Variants in PCBP3 observed in about 807,000 individuals in gnomAD.
The protein encoded by PCBP3 is poly(rC) binding protein 3, also known as poly(rC)-binding protein 3.
PCBP3 carries 25 observed loss-of-function variants against 52.7 expected under a neutral mutation model. The ratio of observed to expected loss-of-function variants is 0.47; its 90% CI spans 0.35 to 0.66. The LOEUF (loss-of-function observed/expected upper bound fraction) is 0.66, where lower values mean the gene tolerates loss of function less well. Ranked by LOEUF, PCBP3 falls within the 30% of genes least tolerant of loss-of-function variation. PCBP3 has a pLI of 0.01. For missense variants in PCBP3, 391 were observed against 490.3 expected, an observed-to-expected ratio of 0.80 and a Z score of 1.91; for synonymous variants, 162 against 183.0, an observed-to-expected ratio of 0.89 and a Z score of 0.93.
intron 5 of PCBP3, among the ~76,000 whole-genome samples, chr21:45,857,783 ACAGGAGC>A (rs1263120962): frequency 3.3e-5 from 5 of 152,282 alleles, no homozygotes; most frequent in African/African-American, 9.6e-5. Context: ...CTTCTTGTTG[ACAGGAGC>A]CAGCATGTAC....
chr21:45,778,342 A>G (rs1469604778), intron 4 of PCBP3, among the ~76,000 whole-genome samples: 1 of 152,170 alleles, frequency 6.6e-6, no homozygotes, highest in African/African-American at 2.4e-5. Context: ...TTTATGTCCC[A>G]GGGTGGCATA....
chr21:45,681,490 AAG>A lies in PCBP3; in HGVS notation c.-200+12539_-200+12540del, dbSNP rs528741842. Among the ~76,000 whole-genome samples the A allele has an allele frequency of 5.5e-3, 841 of 152,296 alleles. 5 individuals carry two copies. Among genetic ancestry groups the A allele is most frequent in the Non-Finnish European group, 8.0e-3 (542 of 68,028 alleles). On this transcript the variant is annotated intron_variant, in intron 2 of 17. Transcript: ENST00000681687. ...TCCTGATAAACCCATTGTATATTGAAAGTGTCGTAAGTGAAAAATGCAACCTG... is the reference window on the plus strand; with the variant it reads ...TCCTGATAAACCCATTGTATATTGAATGTCGTAAGTGAAAAATGCAACCTG...
chr21:45,793,454 T>C (rs2091740025), intron 4 of PCBP3, among the ~76,000 whole-genome samples: 1 of 151,982 alleles, frequency 6.6e-6, no homozygotes, highest in Non-Finnish European at 1.5e-5. Flanking sequence ...AGCGCGATGC[T>C]GAGAAGCTCC....
intron 2 of PCBP3, among the ~76,000 whole-genome samples, chr21:45,691,094 A>T (rs1355345586): frequency 6.6e-6 from 1 of 152,120 alleles, no homozygotes; most frequent in Non-Finnish European, 1.5e-5. Context: ...TATTTATAAT[A>T]GTTAAAAGCT....
intron 3 of PCBP3, among the ~76,000 whole-genome samples, chr21:45,754,441 G>A (rs2087839023): frequency 6.6e-6 from 1 of 152,042 alleles, no homozygotes; most frequent in South Asian, 2.1e-4. Flanking sequence ...TTTAAATTAG[G>A]CCTGCTAACC....
chr21:45,798,139 G>A (rs376012760), intron 4 of PCBP3, among the ~76,000 whole-genome samples: 2 of 151,276 alleles, frequency 1.3e-5, no homozygotes, highest in African/African-American at 4.9e-5. Context: ...TCCATAGAGA[G>A]TGAATGCATG....
intron 3 of PCBP3, chr21:45,749,680 G>A (rs1049971401): frequency 6.6e-6 from 1 of 152,282 alleles, no homozygotes; most frequent in African/African-American, 2.4e-5. Context: ...CAGAGAGCAC[G>A]TGGATGCTGC....
At chr21:45,755,380 C>T (rs537319062) in intron 3 of PCBP3, among the ~76,000 whole-genome samples, 37 bp from the exon 4 acceptor site, 25 of 152,142 alleles carry the variant, frequency 1.6e-4, no homozygotes, top group Middle Eastern at 3.4e-3. Context: ...TTTCTTGTAC[C>T]GGTCTTTATG....
At chr21:45,681,692 A>G (rs1053881217) in intron 2 of PCBP3, among the ~76,000 whole-genome samples, 7 of 152,070 alleles carry the variant, frequency 4.6e-5, no homozygotes, top group Non-Finnish European at 8.8e-5. Context: ...TTCATGAGGG[A>G]TGTAGGTCTG....
chr21:45,721,788 A>C (rs1336443929), intron 2 of PCBP3, among the ~76,000 whole-genome samples: 1 of 152,148 alleles, frequency 6.6e-6, no homozygotes, highest in Non-Finnish European at 1.5e-5. Flanking sequence ...CTGTTGATGA[A>C]GCAAATGTAT....
intron 1 of PCBP3, among the ~76,000 whole-genome samples, chr21:45,659,984 T>A (rs2080278220): frequency 6.6e-6 from 1 of 152,174 alleles, no homozygotes; most frequent in Non-Finnish European, 1.5e-5. Flanking sequence ...ATTGTTTAAA[T>A]CTTTTGTTTT....
chr21:45,768,852 A>G (rs2089604951), intron 4 of PCBP3, among the ~76,000 whole-genome samples: 1 of 152,198 alleles, frequency 6.6e-6, no homozygotes, highest in South Asian at 2.1e-4. Flanking sequence ...CCTGGCCTGC[A>G]GTGCTATCGT....
At chr21:45,897,015 A>C (rs1208548933) in intron 6 of PCBP3, among the ~76,000 whole-genome samples, 3 of 152,110 alleles carry the variant, frequency 2.0e-5, no homozygotes, top group South Asian at 4.1e-4. Flanking sequence ...CCGGAGATGC[A>C]CTGCCCGGGC....
chr21:45,820,987 G>T (rs751506222), intron 4 of PCBP3, among the ~76,000 whole-genome samples: 1 of 152,166 alleles, frequency 6.6e-6, no homozygotes, highest in Non-Finnish European at 1.5e-5. Context: ...TGAGGAGTGC[G>T]TTCTGAGAGG....
intron 13 of PCBP3, among the ~76,000 whole-genome samples, chr21:45,920,159 G>C (rs969949552): frequency 1.3e-5 from 2 of 152,200 alleles, no homozygotes; most frequent in African/African-American, 4.8e-5. Flanking sequence ...GTTTACCCCA[G>C]ACAGTCGCCC....
chr21:45,825,998 G>A (rs1478657679), intron 4 of PCBP3, among the ~76,000 whole-genome samples: 3 of 152,240 alleles, frequency 2.0e-5, no homozygotes, highest in Non-Finnish European at 4.4e-5. Context: ...AGGGCGGGGT[G>A]CAGTGGCTCA....
intron 1 of PCBP3, among the ~76,000 whole-genome samples, chr21:45,668,088 A>G (rs1038466961): frequency 2.6e-5 from 4 of 152,134 alleles, no homozygotes; most frequent in Admixed American, 2.6e-4. Flanking sequence ...CTGATTGTGC[A>G]GAGTCTCAAT....
chr21:45,823,792 A>G (rs560409762), intron 4 of PCBP3, among the ~76,000 whole-genome samples: 1 of 151,604 alleles, frequency 6.6e-6, no homozygotes, highest in Admixed American at 6.6e-5. Flanking sequence ...CCCAGTTTGG[A>G]GTGCAATAGC....
intron 4 of PCBP3, among the ~76,000 whole-genome samples, chr21:45,758,089 A>G (rs2088246199): frequency 6.6e-6 from 1 of 152,126 alleles, no homozygotes; most frequent in African/African-American, 2.4e-5. Context: ...GGGTTTCACC[A>G]TGTTGCCCAG....
Sources: gnomAD v4.1 joint callset for allele counts (sites outside exome capture counted in the v4.1 genomes callset) on GRCh38, gnomAD v4.1.1 for gene constraint, MANE v1.5 for transcripts, NCBI Gene and HGNC (gene_info 2026-07-23, HGNC 2026-07-21) for gene names.